The following ROBO2 variants were observed in gnomAD, a reference collection of about 807,000 sequenced individuals.
The protein encoded by ROBO2 is roundabout homolog 2.
Under a neutral mutation model 160.8 loss-of-function variants are expected in ROBO2, and 53 were observed. That is an observed-to-expected ratio of 0.33 (90% CI 0.26 to 0.41). The LOEUF (loss-of-function observed/expected upper bound fraction) is 0.41, where lower values mean the gene tolerates loss of function less well. ROBO2 is among the 10% of genes least tolerant of loss of function. ROBO2 has a pLI of 1.00. For synonymous variants in ROBO2, 664 were observed against 611.7 expected (o/e 1.09, Z -1.26); for missense variants, 1,577 against 1,722.4 (o/e 0.92, Z 1.49).
At chr3:76,792,456 G>A (rs1050441296) in intron 2 of ROBO2, among the ~76,000 whole-genome samples, 7 of 151,630 alleles carry the variant, frequency 4.6e-5, no homozygotes, top group Non-Finnish European at 8.9e-5. Flanking sequence ...AATACTGTAC[G>A]AGCTGTTATT....
chr3:77,127,253 C>T (rs2075425972), intron 2 of ROBO2, among the ~76,000 whole-genome samples: 1 of 152,084 alleles, frequency 6.6e-6, no homozygotes, highest in Non-Finnish European at 1.5e-5. Context: ...CGGTGCTATG[C>T]TTGGCACATA....
At chr3:76,854,758 ATAGT>A (rs2069854000) in intron 2 of ROBO2, among the ~76,000 whole-genome samples, 1 of 152,152 alleles carries the variant, frequency 6.6e-6, no homozygotes, top group African/African-American at 2.4e-5. Flanking sequence ...ATATTGTTCA[ATAGT>A]TAGCATAGAA....
chr3:76,162,449 G>C (rs1031685261), intron 2 of ROBO2, among the ~76,000 whole-genome samples: 1 of 152,038 alleles, frequency 6.6e-6, no homozygotes, highest in African/African-American at 2.4e-5. Context: ...TGGAACTACA[G>C]ATGTACTCCA....
At chr3:76,597,704 G>T (rs534196997) in intron 2 of ROBO2, among the ~76,000 whole-genome samples, 5 of 145,364 alleles carry the variant, frequency 3.4e-5, no homozygotes, top group Non-Finnish European at 7.6e-5. Flanking sequence ...CACCCTCCCC[G>T]CTTAAGCAGG....
chr3:76,482,168 G>A (rs2079246188), intron 2 of ROBO2, among the ~76,000 whole-genome samples: 1 of 152,120 alleles, frequency 6.6e-6, no homozygotes, highest in Non-Finnish European at 1.5e-5. Flanking sequence ...ATCACGCTCT[G>A]CAGGTATGCC....
intron 1 of ROBO2, among the ~76,000 whole-genome samples, chr3:77,093,496 A>G (rs1469820873): frequency 6.6e-6 from 1 of 152,104 alleles, no homozygotes; most frequent in Admixed American, 6.6e-5. Context: ...AAGGCCCAAC[A>G]TCTTTGGGAA....
In ROBO2 at chr3:76,110,168, A is replaced by G. The variant is rs530457867; in HGVS notation, c.109+172566A>G. Among the ~76,000 whole-genome samples, 3 of 152,076 alleles carry G rather than the reference A, an allele frequency of 2.0e-5. No individual in the cohort carries two copies. The East Asian group carries it at 5.8e-4, about 29-fold the overall frequency. On this transcript the variant is annotated intron_variant, in intron 2 of 26. Transcript: ENST00000487694. ...TATTTCAATATCAGTTTATAGGTTGATAATAATAGCTTATATACATACACA... is the reference window on the plus strand; with the variant it reads ...TATTTCAATATCAGTTTATAGGTTGGTAATAATAGCTTATATACATACACA...
rs552553974 is a variant in ROBO2, at chr3:77,028,203, G to C, written c.110-69811G>C. Among the ~76,000 whole-genome samples, 5 of 152,150 alleles carry C rather than the reference G, an allele frequency of 3.3e-5. No homozygotes were observed. The South Asian group carries it at 1.0e-3, about 31-fold the overall frequency. ...TAAAACTGTTCTGCACATGCTCCCT[G>C]TTGTCAGAAAACAATGATTAACATT... On this transcript the variant is annotated intron_variant, in intron 2 of 26. Transcript: ENST00000487694.
At chr3:76,579,654 T>C (rs918809851) in intron 2 of ROBO2, among the ~76,000 whole-genome samples, 6 of 152,078 alleles carry the variant, frequency 3.9e-5, no homozygotes. Context: ...GGAAGTTTCA[T>C]GTCTAATATG....
chr3:75,993,652 T>C (rs535444886), intron 2 of ROBO2, among the ~76,000 whole-genome samples: 1 of 152,344 alleles, frequency 6.6e-6, no homozygotes, highest in South Asian at 2.1e-4. Flanking sequence ...TTGCTAACTA[T>C]ACCTTTTCGC....
intron 3 of ROBO2, among the ~76,000 whole-genome samples, chr3:77,478,488 C>A (rs1417973634): frequency 6.6e-6 from 1 of 152,090 alleles, no homozygotes; most frequent in Non-Finnish European, 1.5e-5. Flanking sequence ...AAATGAAACA[C>A]ACAGAAACAG....
At chr3:75,944,527 C>G (rs1057059607) in intron 2 of ROBO2, among the ~76,000 whole-genome samples, 1 of 152,042 alleles carries the variant, frequency 6.6e-6, no homozygotes, top group Non-Finnish European at 1.5e-5. Flanking sequence ...AAAAAAAAAC[C>G]TGGCACCTTT....
chr3:76,013,423 A>C (rs1158966544), intron 2 of ROBO2, among the ~76,000 whole-genome samples: 1 of 150,626 alleles, frequency 6.6e-6, no homozygotes, highest in Non-Finnish European at 1.5e-5. Flanking sequence ...GTGTAATCCC[A>C]GAAGTAATAT....
At chr3:76,366,220 A>G (rs1177984566) in intron 2 of ROBO2, among the ~76,000 whole-genome samples, 2 of 152,010 alleles carry the variant, frequency 1.3e-5, no homozygotes, top group East Asian at 1.9e-4. Context: ...CCCTGATTAA[A>G]CCATTTAAGG....
intron 6 of ROBO2, among the ~76,000 whole-genome samples, chr3:77,530,812 C>T (rs2091659228): frequency 6.6e-6 from 1 of 151,984 alleles, no homozygotes; most frequent in African/African-American, 2.4e-5. Context: ...ATGTAGTTAA[C>T]TATGAATGCT....
chr3:77,357,453 G>A (rs2069301351), intron 2 of ROBO2, among the ~76,000 whole-genome samples: 1 of 152,082 alleles, frequency 6.6e-6, no homozygotes, highest in East Asian at 1.9e-4. Context: ...GTCCACAACA[G>A]ACGCAGCCCT....
At chr3:76,052,811 A>G (rs1170201114) in intron 2 of ROBO2, among the ~76,000 whole-genome samples, 3 of 152,060 alleles carry the variant, frequency 2.0e-5, no homozygotes, top group Non-Finnish European at 4.4e-5. Context: ...GATATTTTGT[A>G]AAGCTCATTC....
intron 2 of ROBO2, among the ~76,000 whole-genome samples, chr3:77,291,504 GT>G (rs1432290952): frequency 6.6e-6 from 1 of 151,614 alleles, no homozygotes; most frequent in African/African-American, 2.4e-5. Context: ...CAGACATAAA[GT>G]AAAATTGATG....
At chr3:76,462,474 A>G (rs2078138484) in intron 2 of ROBO2, among the ~76,000 whole-genome samples, 2 of 152,316 alleles carry the variant, frequency 1.3e-5, no homozygotes, top group East Asian at 1.9e-4. Context: ...TGCCATTACC[A>G]TCAGTGATGC....
Sources: gnomAD v4.1 joint callset for allele counts (sites outside exome capture counted in the v4.1 genomes callset) on GRCh38, gnomAD v4.1.1 for gene constraint, MANE v1.5 for transcripts, NCBI Gene and HGNC (gene_info 2026-07-23, HGNC 2026-07-21) for gene names.